Variants in HECW2 observed in about 807,000 individuals in gnomAD.
HECW2 encodes E3 ubiquitin-protein ligase HECW2.
Under a neutral mutation model 175.2 loss-of-function variants are expected in HECW2, and 61 were observed. The observed-to-expected ratio is 0.35, with a 90% confidence interval of 0.28 to 0.43. The LOEUF is 0.43. Ranked by LOEUF, HECW2 falls within the 20% of genes least tolerant of loss-of-function variation. HECW2 has a pLI of 1.00. For synonymous variants in HECW2, 671 were observed against 731.0 expected, an observed-to-expected ratio of 0.92 and a Z score of 1.32; for missense variants, 1,524 against 2,000.5, an observed-to-expected ratio of 0.76 and a Z score of 4.54.
chr2:196,320,338 C>T lies in HECW2; in HGVS notation c.985+1G>A, dbSNP rs1449451291. 6.3e-7 allele frequency: 1 copy of T among 1,581,760 alleles called. No individual in the cohort carries two copies. Among genetic ancestry groups the T allele is most frequent in the Admixed American group, 1.7e-5 (1 of 59,804 alleles). ...TTCATACAGATATATTTATATCTCA[C>T]CTTCATGAACAGAAGACGTAACCTC... On this transcript the variant is annotated splice_donor_variant, in intron 8 of 28. Coordinates refer to ENST00000644978, the MANE Select transcript of HECW2 (RefSeq NM_001348768.2). LOFTEE classifies it high-confidence loss of function.
chr2:196,588,028 C>G (rs953033443), intron 1 of HECW2, among the ~76,000 whole-genome samples: 2 of 152,210 alleles, frequency 1.3e-5, no homozygotes, highest in African/African-American at 4.8e-5. Flanking sequence ...CTCTTACCTT[C>G]CGTTAACTCT....
chr2:196,504,129 C>A (rs539812455), intron 1 of HECW2, among the ~76,000 whole-genome samples: 1 of 152,038 alleles, frequency 6.6e-6, no homozygotes, highest in Non-Finnish European at 1.5e-5. Context: ...AACCTCATCA[C>A]CACTAAAAAT....
chr2:196,437,580 C>CCAG (rs1463286853), intron 1 of HECW2, among the ~76,000 whole-genome samples: 1 of 117,590 alleles, frequency 8.5e-6, no homozygotes, highest in Non-Finnish European at 1.6e-5. Flanking sequence ...CCACTGCACT[C>CCAG]CAGCCTGGGC....
chr2:196,522,962 C>T (rs914184921), intron 1 of HECW2, among the ~76,000 whole-genome samples: 2 of 152,102 alleles, frequency 1.3e-5, no homozygotes, highest in Non-Finnish European at 2.9e-5. Flanking sequence ...GTGATGCGGG[C>T]TCTTTTTTGG....
At chr2:196,300,304 C>A (rs1177095951) in intron 13 of HECW2, among the ~76,000 whole-genome samples, 1 of 152,170 alleles carries the variant, frequency 6.6e-6, no homozygotes, top group African/African-American at 2.4e-5. Context: ...TACTCTCTGG[C>A]CCTTTATAGG....
chr2:196,415,788 T>C (rs571174958), intron 2 of HECW2, among the ~76,000 whole-genome samples: 2 of 152,114 alleles, frequency 1.3e-5, no homozygotes, highest in South Asian at 2.1e-4. Context: ...AATGAAAGGA[T>C]TGGCCAGAAA....
chr2:196,226,272 T>C (rs1321818436), intron 22 of HECW2, among the ~76,000 whole-genome samples: 2 of 152,124 alleles, frequency 1.3e-5, no homozygotes. Flanking sequence ...TTTTGTCATA[T>C]GATGTGCCTG....
At chr2:196,273,313 C>T (rs1247954712) in intron 16 of HECW2, among the ~76,000 whole-genome samples, 1 of 152,212 alleles carries the variant, frequency 6.6e-6, no homozygotes, top group East Asian at 1.9e-4. Flanking sequence ...GTGATCTGCC[C>T]ATCTCGGCCT....
chr2:196,568,065 T>C (rs925810933), intron 1 of HECW2, among the ~76,000 whole-genome samples: 1 of 152,206 alleles, frequency 6.6e-6, no homozygotes, highest in African/African-American at 2.4e-5. Flanking sequence ...ATTGTTCTAA[T>C]TGAAGGGTTT....
At chr2:196,504,873 C>T (rs1687701215) in intron 1 of HECW2, among the ~76,000 whole-genome samples, 1 of 151,864 alleles carries the variant, frequency 6.6e-6, no homozygotes, top group South Asian at 2.1e-4. Flanking sequence ...AATTACTGTA[C>T]ACATTTTCAG....
chr2:196,445,749 T>C (rs1042806269), intron 1 of HECW2, among the ~76,000 whole-genome samples: 2 of 152,124 alleles, frequency 1.3e-5, no homozygotes, highest in Non-Finnish European at 2.9e-5. Context: ...CCTTGAAAGA[T>C]ATGAAGGCCA....
chr2:196,306,494 A>T lies in HECW2; in HGVS notation c.2808T>A (p.Ser936=). 1 of 1,609,512 alleles carries T rather than the reference A, an allele frequency of 6.2e-7. No individual in the cohort carries two copies. The highest frequency in any genetic ancestry group is 8.5e-7 in the Non-Finnish European group (1 of 1,178,090). ...ISPEFFTVLH[S]NPSAYRMFTN... is the part of the protein sequence containing the mutation. ...TTTCAGATTCGCTACTCACAGGGTT[A>T]GAATGCAGCACGGTGAAGAACTCTG... Residue 936 remains serine, a synonymous_variant, in exon 13 of 29, where the codon TCT becomes TCA. Coordinates refer to ENST00000644978, the MANE Select transcript of HECW2 (RefSeq NM_001348768.2).
intron 1 of HECW2, among the ~76,000 whole-genome samples, chr2:196,452,733 T>C (rs929946169): frequency 2.0e-5 from 3 of 149,926 alleles, no homozygotes; most frequent in Non-Finnish European, 3.0e-5. Flanking sequence ...AAAATCTTCC[T>C]CAGAAAACAA....
intron 1 of HECW2, among the ~76,000 whole-genome samples, chr2:196,464,923 T>A (rs758408512): frequency 3.3e-5 from 5 of 151,990 alleles, no homozygotes; most frequent in African/African-American, 4.8e-5. Flanking sequence ...ACACCTATAA[T>A]CCCAGCTACT....
intron 1 of HECW2, among the ~76,000 whole-genome samples, chr2:196,574,260 T>C (rs1419098961): frequency 6.6e-6 from 1 of 151,992 alleles, no homozygotes; most frequent in African/African-American, 2.4e-5. Context: ...TGAAACCCCG[T>C]GTCCACTAAA....
intron 1 of HECW2, among the ~76,000 whole-genome samples, chr2:196,491,447 A>G (rs1687189152): frequency 6.8e-6 from 1 of 148,070 alleles, no homozygotes; most frequent in Admixed American, 6.8e-5. Flanking sequence ...ACACATATAT[A>G]CACACTTAGG....
chr2:196,307,273 AAGAGATGGGAC>A (rs1311606405), intron 11 of HECW2, 40 bp from the exon 12 acceptor site: 2 of 1,374,668 alleles, frequency 1.5e-6, no homozygotes, highest in African/African-American at 2.8e-5. Context: ...AGCAGCATTT[AAGAGATGGGAC>A]TCAACTGCTC....
At chr2:196,424,740 G>T (rs577588879) in intron 2 of HECW2, among the ~76,000 whole-genome samples, 1 of 152,244 alleles carries the variant, frequency 6.6e-6, no homozygotes, top group Admixed American at 6.5e-5. Context: ...GCTAGGAAAG[G>T]TTGATTCATA....
intron 2 of HECW2, among the ~76,000 whole-genome samples, chr2:196,353,479 C>G (rs558305152): frequency 3.1e-4 from 47 of 152,202 alleles, no homozygotes; most frequent in Non-Finnish European, 6.0e-4. Context: ...TTTGTCTATT[C>G]TGTTTACTGA....
Sources: allele counts gnomAD v4.1 joint callset (sites outside exome capture counted in the v4.1 genomes callset), GRCh38; gene constraint gnomAD v4.1.1; transcripts MANE v1.5; gene names NCBI Gene and HGNC (gene_info 2026-07-23, HGNC 2026-07-21).